IMMP2L: variants seen among roughly 807,000 people sequenced by gnomAD.
IMMP2L encodes inner mitochondrial membrane peptidase subunit 2.
A neutral mutation model predicts 19.3 loss-of-function variants in IMMP2L; 18 were observed. The observed-to-expected ratio is 0.93, with a 90% CI of 0.64 to 1.38. The LOEUF is 1.38. IMMP2L is among the 40% of genes most tolerant of loss of function. IMMP2L has a pLI of 0.00. For synonymous variants in IMMP2L, 76 were observed against 73.0 expected, an observed-to-expected ratio of 1.04 and a Z score of -0.21; for missense variants, 233 against 218.2, an observed-to-expected ratio of 1.07 and a Z score of -0.43.
Position 111,279,929 on chromosome 7 carries a change from C to T in IMMP2L, c.239+207309G>A, listed in dbSNP as rs141887197. 3.4e-3 allele frequency among the ~76,000 whole-genome samples: 523 copies of T among 152,248 alleles called. 2 individuals are homozygous for T. Among genetic ancestry groups the T allele is most frequent in the African/African-American group, 0.012 (488 of 41,550 alleles). ...TCTTGACCTATCCAGTTTTCTCCAT[C>T]TTTAATGCTGACTAACCCACTAGTG... is the stretch of plus-strand genomic sequence containing the variant. On this transcript the variant is annotated intron_variant, in intron 3 of 5. Transcript: ENST00000405709.
rs114942658 is a variant in IMMP2L at position 111,497,596 on chromosome 7, C to T, written c.136-10255G>A. ...TGATCCAATTTCAGGAAAGACAGGA[C>T]GGAAGAAAAAAGGGAAAAACCTTAA... On this transcript the variant is annotated intron_variant, in intron 2 of 5. Transcript: ENST00000405709. 4.0e-3 allele frequency among the ~76,000 whole-genome samples: 598 copies of T among 151,260 alleles called. 3 individuals carry two copies. Among genetic ancestry groups the T allele is most frequent in the African/African-American group, 0.013 (533 of 41,238 alleles).
intron 3 of IMMP2L, among the ~76,000 whole-genome samples, chr7:111,259,248 G>A (rs894099316): frequency 1.3e-5 from 2 of 152,100 alleles, no homozygotes; most frequent in Admixed American, 1.3e-4. Flanking sequence ...AGTGGTGAGT[G>A]AACCTGAAGG....
At chr7:110,826,926 G>C (rs1185858778) in intron 5 of IMMP2L, among the ~76,000 whole-genome samples, 3 of 151,858 alleles carry the variant, frequency 2.0e-5, no homozygotes, top group Non-Finnish European at 4.4e-5. Flanking sequence ...AGTGAAACTG[G>C]TATGTATTTT....
chr7:111,064,890 A>G (rs1399404589), intron 3 of IMMP2L, among the ~76,000 whole-genome samples: 3 of 152,188 alleles, frequency 2.0e-5, no homozygotes, highest in Admixed American at 6.5e-5. Flanking sequence ...ATCACTTAGT[A>G]TTACCATGCC....
At chr7:110,719,548 C>T (rs1795443269) in intron 5 of IMMP2L, among the ~76,000 whole-genome samples, 1 of 152,048 alleles carries the variant, frequency 6.6e-6, no homozygotes, top group Admixed American at 6.6e-5. Context: ...AAAATATATC[C>T]TAATATTTTC....
At chr7:111,533,502 A>G (rs1847593375) in intron 1 of IMMP2L, among the ~76,000 whole-genome samples, 1 of 152,154 alleles carries the variant, frequency 6.6e-6, no homozygotes, top group South Asian at 2.1e-4. Context: ...TTGGGTGGTT[A>G]TTTGTTTTGC....
chr7:111,366,850 T>C (rs759706189), intron 3 of IMMP2L, among the ~76,000 whole-genome samples: 31 of 151,666 alleles, frequency 2.0e-4, no homozygotes, highest in East Asian at 3.9e-4. Context: ...CACGTATATA[T>C]GTGGAGAGGA....
chr7:111,292,005 C>CTG (rs1821163920), intron 3 of IMMP2L, among the ~76,000 whole-genome samples: 1 of 152,168 alleles, frequency 6.6e-6, no homozygotes, highest in African/African-American at 2.4e-5. Flanking sequence ...TCTTTCTTGC[C>CTG]TGTCCCCCTG....
At chr7:111,115,803 G>C (rs901371029) in intron 3 of IMMP2L, among the ~76,000 whole-genome samples, 3 of 151,956 alleles carry the variant, frequency 2.0e-5, no homozygotes, top group African/African-American at 7.2e-5. Flanking sequence ...GAGTAGCTGG[G>C]ACTAGAGATG....
intron 3 of IMMP2L, among the ~76,000 whole-genome samples, chr7:111,408,479 T>C (rs563902644): frequency 3.3e-5 from 5 of 151,772 alleles, no homozygotes; most frequent in African/African-American, 9.7e-5. Flanking sequence ...ACACAAACTC[T>C]AAGTCACACA....
intron 3 of IMMP2L, among the ~76,000 whole-genome samples, chr7:111,409,759 G>T (rs1834230700): frequency 6.6e-6 from 1 of 151,710 alleles, no homozygotes; most frequent in African/African-American, 2.4e-5. Context: ...ACTTCTACAG[G>T]ATTGCCCTCA....
intron 3 of IMMP2L, among the ~76,000 whole-genome samples, chr7:111,340,586 G>C (rs536235045): frequency 6.6e-6 from 1 of 151,840 alleles, no homozygotes; most frequent in Admixed American, 6.6e-5. Flanking sequence ...CATATCCTAG[G>C]TCCCAGGAAG....
At chr7:110,817,493 C>T (rs138170163) in intron 5 of IMMP2L, among the ~76,000 whole-genome samples, 116 of 152,230 alleles carry the variant, frequency 7.6e-4, no homozygotes, top group Middle Eastern at 3.4e-3. Context: ...ACATTCCATG[C>T]TCACGGGTAG....
At chr7:111,263,118 G>A (rs530492691) in intron 3 of IMMP2L, among the ~76,000 whole-genome samples, 1 of 152,226 alleles carries the variant, frequency 6.6e-6, no homozygotes, top group East Asian at 1.9e-4. Context: ...CTCTGAGAGA[G>A]GCGGGAAAAT....
chr7:111,535,704 G>A (rs748499402), intron 1 of IMMP2L, among the ~76,000 whole-genome samples: 1 of 152,112 alleles, frequency 6.6e-6, no homozygotes, highest in African/African-American at 2.4e-5. Flanking sequence ...AACAGTGAGA[G>A]AAACAATTGT....
chr7:110,789,285 A>G (rs1275087446), intron 5 of IMMP2L, among the ~76,000 whole-genome samples: 1 of 151,824 alleles, frequency 6.6e-6, no homozygotes, highest in African/African-American at 2.4e-5. Context: ...TGTGAGTAAA[A>G]TAACATGGCT....
At position 111,329,909 on chromosome 7, in the gene IMMP2L, A is replaced by T. The variant is rs181153487; in HGVS notation, c.239+157329T>A. The stretch of plus-strand genomic sequence containing the variant: ...AAAACCTAGCATAAAAAGAAAATTG[A>T]AAATAAGGACCCAAACAATTAAGGT... On this transcript the variant is annotated intron_variant, in intron 3 of 5. Coordinates refer to ENST00000405709, the MANE Select transcript of IMMP2L (RefSeq NM_032549.4). 1.2e-3 allele frequency among the ~76,000 whole-genome samples: 180 copies of T among 151,974 alleles called. 2 individuals are homozygous for T. In the Middle Eastern group the frequency reaches 0.017, roughly 14 times the overall value.
intron 3 of IMMP2L, among the ~76,000 whole-genome samples, chr7:111,354,273 T>G (rs1339858471): frequency 1.3e-5 from 2 of 152,046 alleles, no homozygotes; most frequent in East Asian, 3.9e-4. Context: ...AGATACCTAT[T>G]AAGGTAACAT....
At chr7:111,430,268 T>C (rs915714616) in intron 3 of IMMP2L, among the ~76,000 whole-genome samples, 3 of 151,840 alleles carry the variant, frequency 2.0e-5, no homozygotes, top group Non-Finnish European at 2.9e-5. Context: ...ATTTCTACAA[T>C]ATGCCTCCTG....
Sources: allele counts gnomAD v4.1 joint callset (sites outside exome capture counted in the v4.1 genomes callset), GRCh38; gene constraint gnomAD v4.1.1; transcripts MANE v1.5; gene names NCBI Gene and HGNC (gene_info 2026-07-23, HGNC 2026-07-21).